Variants in WWP2 observed in about 807,000 individuals in gnomAD.
WWP2 encodes the protein WW domain containing E3 ubiquitin protein ligase 2.
Under a neutral mutation model 121.0 loss-of-function variants are expected in WWP2, and 57 were observed. That is an observed-to-expected ratio of 0.47 (90% CI 0.38 to 0.59). WWP2 has a LOEUF of 0.59. Ranked by LOEUF, WWP2 falls within the 20% of genes least tolerant of loss-of-function variation. WWP2 has a pLI of 0.00. For synonymous variants in WWP2, 449 were observed against 441.3 expected (o/e 1.02, Z -0.22); for missense variants, 962 against 1,158.9 (o/e 0.83, Z 2.47).
At chr16:69,763,148 G>C (rs1212744206) in intron 1 of WWP2, among the ~76,000 whole-genome samples, 1 of 152,206 alleles carries the variant, frequency 6.6e-6, no homozygotes, top group Non-Finnish European at 1.5e-5. Flanking sequence ...CTAGCCCAGC[G>C]TTACCTCAGC....
At chr16:69,801,678 C>G (rs1406277170) in intron 4 of WWP2, among the ~76,000 whole-genome samples, 1 of 152,116 alleles carries the variant, frequency 6.6e-6, no homozygotes, top group Non-Finnish European at 1.5e-5. Flanking sequence ...TCCGGAATAG[C>G]TGGAACCACA....
chr16:69,826,925 C>T (rs1454931697), intron 4 of WWP2, among the ~76,000 whole-genome samples: 12 of 108,068 alleles, frequency 1.1e-4, no homozygotes, highest in East Asian at 5.9e-4. Context: ...GGTGACAGAG[C>T]GAGACTCCAC....
At chr16:69,893,347 A>G (rs899066882) in intron 8 of WWP2, among the ~76,000 whole-genome samples, 2 of 152,192 alleles carry the variant, frequency 1.3e-5, no homozygotes, top group Middle Eastern at 3.2e-3. Flanking sequence ...CAATGAATGG[A>G]TGAGTGCTTT....
chr16:69,842,193 C>A (rs890239486), intron 6 of WWP2, 73 bp downstream of exon 6: 5 of 1,409,934 alleles, frequency 3.5e-6, no homozygotes, highest in African/African-American at 1.4e-5. Context: ...TGGGACATGG[C>A]GGGGAACATT....
chr16:69,873,956 C>T (rs2057689396), intron 7 of WWP2, among the ~76,000 whole-genome samples: 1 of 152,168 alleles, frequency 6.6e-6, no homozygotes, highest in African/African-American at 2.4e-5. Flanking sequence ...TTGTCCTTAT[C>T]TCTAGGAACC....
intron 7 of WWP2, among the ~76,000 whole-genome samples, chr16:69,874,714 C>T (rs1056357179): frequency 3.3e-5 from 5 of 152,114 alleles, no homozygotes; most frequent in Admixed American, 6.5e-5. Context: ...GACTTTACCC[C>T]CAAATTTTAC....
Position 69,854,199 on chromosome 16 carries a change from T to C in WWP2, c.575+12079T>C, listed in dbSNP as rs1490646428. 1.3e-5 allele frequency among the ~76,000 whole-genome samples: 2 copies of C among 152,168 alleles called. 1 individual carries two copies. Among genetic ancestry groups the C allele is most frequent in the East Asian group, 3.8e-4 (2 of 5,196 alleles). On this transcript the variant is annotated intron_variant, in intron 6 of 23. Transcript: ENST00000359154. ...TAGAGAGAAGCCAATAAAAAGAGTA[T>C]GGGTGTTGGAGAAATGACTTTCTAG...
intron 9 of WWP2, chr16:69,909,664 G>A: frequency 1.0e-6 from 1 of 985,330 alleles, no homozygotes; most frequent in South Asian, 4.7e-5. Context: ...TTGACTTGAA[G>A]TCAAATGAAG....
intron 6 of WWP2, among the ~76,000 whole-genome samples, chr16:69,869,611 T>C (rs2057595301): frequency 6.6e-6 from 1 of 152,142 alleles, no homozygotes; most frequent in South Asian, 2.1e-4. Context: ...TCCCAAAGCG[T>C]TGGGATTACA....
In WWP2 at chr16:69,806,953, T is replaced by TTC. The variant is rs1567676797; in HGVS notation, c.340+7658_340+7659insTC. On this transcript the variant is annotated intron_variant, in intron 4 of 23. Transcript: ENST00000359154. ...GATCTGTTTTATTTATTTATTTATT[T>TTC]ATTCATTCATTCATTCATTCATTCA... 9.6e-3 allele frequency among the ~76,000 whole-genome samples: 1,404 copies of TTC among 146,160 alleles called. 10 individuals are homozygous for TTC. Among genetic ancestry groups the TTC allele is most frequent in the Non-Finnish European group, 0.015 (1,023 of 66,634 alleles).
chr16:69,925,093 C>A lies in WWP2; in HGVS notation c.1180-337C>A. 1 of 1,066,410 alleles carries A rather than the reference C, an allele frequency of 9.4e-7. No individual in the cohort carries two copies. Among genetic ancestry groups the A allele is most frequent in the Non-Finnish European group, 1.1e-6 (1 of 882,258 alleles). 66.1% of individuals were successfully genotyped at this position (1,066,410 alleles called of 1,614,324 possible). A position where few individuals can be genotyped will look rare whatever the true frequency, so the allele number is the denominator to read the frequency against. ...GAGCGGAGGCACTGGGCCGAGCCTG[C>A]TTCCCGGGCCTTCCTACCATGCCAG... On this transcript the variant is annotated intron_variant, in intron 10 of 23. Transcript: ENST00000359154. This position sits in a 1 kb window ranked among gnomAD's most constrained non-coding sequence, Gnocchi z 4.0.
intron 4 of WWP2, among the ~76,000 whole-genome samples, chr16:69,816,053 T>C (rs2056483820): frequency 6.6e-6 from 1 of 152,110 alleles, no homozygotes; most frequent in Non-Finnish European, 1.5e-5. Context: ...AAAAGACAGC[T>C]ACAGACCCTG....
chr16:69,866,704 C>T (rs915737848), intron 6 of WWP2, among the ~76,000 whole-genome samples: 4 of 152,056 alleles, frequency 2.6e-5, no homozygotes, highest in African/African-American at 9.7e-5. Context: ...ATCCATTTGT[C>T]GAGGATGGGT....
chr16:69,795,649 GTT>G (rs386384998), intron 2 of WWP2, among the ~76,000 whole-genome samples: 3 of 66,954 alleles, frequency 4.5e-5, no homozygotes, highest in East Asian at 1.0e-3. Context: ...AAAATAGGAG[GTT>G]TTTTTTTTTT....
intron 2 of WWP2, among the ~76,000 whole-genome samples, chr16:69,791,718 C>T (rs1307660196): frequency 6.6e-6 from 1 of 152,124 alleles, no homozygotes; most frequent in Non-Finnish European, 1.5e-5. Context: ...ATAGGTCTTG[C>T]TGTGCTGTCC....
In WWP2 at chr16:69,935,082, G is replaced by T. The variant is rs905205183; in HGVS notation, c.1843-771G>T. ...ACGTGCCCCGTTGAGGGTCCTGGGA[G>T]CGTGGAGAACCCGGATTGAGAAGCG... On this transcript the variant is annotated intron_variant, in intron 17 of 23. Coordinates refer to ENST00000359154, the MANE Select transcript of WWP2 (RefSeq NM_001270454.2). This position sits in a 1 kb window ranked among gnomAD's most constrained non-coding sequence, Gnocchi z 5.2. Among the ~76,000 whole-genome samples the T allele has an allele frequency of 6.6e-6, 1 of 152,246 alleles. No individual in the cohort carries two copies. The highest frequency in any genetic ancestry group is 1.5e-5 in the Non-Finnish European group (1 of 68,038).
chr16:69,863,909 A>T (rs1334200477), intron 6 of WWP2, among the ~76,000 whole-genome samples: 1 of 152,224 alleles, frequency 6.6e-6, no homozygotes, highest in African/African-American at 2.4e-5. Context: ...CCTTTTATGC[A>T]TTGAGTTTAT....
intron 10 of WWP2, among the ~76,000 whole-genome samples, chr16:69,921,284 T>C (rs1192792359): frequency 2.0e-5 from 3 of 152,198 alleles, no homozygotes; most frequent in African/African-American, 7.2e-5. Flanking sequence ...AGGGTTGCTT[T>C]CATATAGTTA....
At chr16:69,917,683 A>G (rs2058496462) in intron 9 of WWP2, 26 bp from the exon 10 acceptor site, 1 of 1,593,194 alleles carries the variant, frequency 6.3e-7, no homozygotes, top group South Asian at 1.1e-5. Flanking sequence ...TGGTCATTAT[A>G]TTCATTCTGA....
Sources: allele counts gnomAD v4.1 joint callset (sites outside exome capture counted in the v4.1 genomes callset), GRCh38; gene constraint gnomAD v4.1.1; non-coding constraint Gnocchi (gnomAD v3.1); transcripts MANE v1.5; gene names NCBI Gene and HGNC (gene_info 2026-07-23, HGNC 2026-07-21).